Variants in SDCCAG8 observed in about 807,000 individuals in gnomAD.
SDCCAG8 encodes serologically defined colon cancer antigen 8.
A neutral mutation model predicts 101.8 loss-of-function variants in SDCCAG8; 74 were observed. That is an observed-to-expected ratio of 0.73 (90% CI 0.60 to 0.88). The LOEUF is 0.88. SDCCAG8 is among the 40% of genes least tolerant of loss of function. The pLI, the probability that SDCCAG8 is intolerant of heterozygous loss-of-function variation, is 0.00. For missense variants in SDCCAG8, 787 were observed against 822.6 expected (o/e 0.96, Z 0.53); for synonymous variants, 281 against 292.9 (o/e 0.96, Z 0.41).
In SDCCAG8 at chr1:243,344,231, G is replaced by A. The variant is rs748784645; in HGVS notation, c.1373G>A (p.Arg458His). Residue 458 changes from arginine (R) to histidine (H), a missense_variant, in exon 12 of 18, where the codon CGC becomes CAC. Transcript: ENST00000366541. The part of the protein sequence containing the change: ...MDVTKVCGEM[R>H]YQLNKTNMEK... Reference sequence around the variant, plus strand: ...ATCTAACAGGTGTGTGGAGAAATGCGCTATCAGCTGAATAAAACCAACATG... The same window carrying A: ...ATCTAACAGGTGTGTGGAGAAATGCACTATCAGCTGAATAAAACCAACATG... 1.1e-5 allele frequency: 17 copies of A among 1,613,686 alleles called. No homozygotes were observed. The highest frequency in any genetic ancestry group is 2.2e-5 in the East Asian group (1 of 44,870).
chr1:243,327,853 G>A (rs2074302567), intron 9 of SDCCAG8, among the ~76,000 whole-genome samples: 2 of 152,130 alleles, frequency 1.3e-5, no homozygotes, highest in Non-Finnish European at 2.9e-5. Context: ...GGACATATAC[G>A]TTAAAATCAA....
chr1:243,277,341 T>C (rs2068661465), intron 4 of SDCCAG8, among the ~76,000 whole-genome samples: 1 of 152,230 alleles, frequency 6.6e-6, no homozygotes, highest in South Asian at 2.1e-4. Flanking sequence ...GCTGTTCTAA[T>C]AGATGTGTAG....
At chr1:243,386,775 G>A (rs1171476941) in intron 13 of SDCCAG8, among the ~76,000 whole-genome samples, 1 of 151,806 alleles carries the variant, frequency 6.6e-6, no homozygotes, top group East Asian at 1.9e-4. Flanking sequence ...AAGTGAGAGA[G>A]AGAGAGAGAG....
At chr1:243,346,304 G>A (rs907601807) in intron 12 of SDCCAG8, 3 of 154,242 alleles carry the variant, frequency 1.9e-5, no homozygotes, top group Admixed American at 1.3e-4. Context: ...TTAAAAGCGG[G>A]GCATGTTGAG....
intron 16 of SDCCAG8, among the ~76,000 whole-genome samples, chr1:243,444,637 C>T (rs967474982): frequency 2.0e-5 from 3 of 152,302 alleles, no homozygotes; most frequent in Admixed American, 1.3e-4. Flanking sequence ...CCTGCCTCAG[C>T]CTCCCAAAAT....
intron 5 of SDCCAG8, among the ~76,000 whole-genome samples, chr1:243,289,859 A>AT (rs2070047851): frequency 1.3e-5 from 2 of 151,950 alleles, no homozygotes; most frequent in Admixed American, 6.5e-5. Flanking sequence ...AAAGAGAAGA[A>AT]TCTCCTTTTT....
Position 243,304,695 on chromosome 1 carries a change from T to C in SDCCAG8, c.676-18T>C. On this transcript the variant is annotated intron_variant, in intron 6 of 17. Coordinates refer to ENST00000366541, the MANE Select transcript of SDCCAG8 (RefSeq NM_006642.5). ...CAGGACATAGAGAAAAATGTACTTC[T>C]ATTTTTCTTTTCTATAGGAGAAGCT... is the stretch of plus-strand genomic sequence containing the variant. 1 of 1,348,182 alleles carries C rather than the reference T, an allele frequency of 7.4e-7. No homozygotes were observed. The highest frequency in any genetic ancestry group is 1.1e-6 in the Non-Finnish European group (1 of 938,826). 83.5% of individuals were successfully genotyped at this position (1,348,182 alleles called of 1,614,324 possible).
intron 13 of SDCCAG8, among the ~76,000 whole-genome samples, chr1:243,408,286 A>T (rs939438168): frequency 2.6e-5 from 4 of 152,194 alleles, no homozygotes; most frequent in African/African-American, 9.6e-5. Flanking sequence ...AGCAAAACAA[A>T]GGTTCCTATT....
rs571326483 is a variant in SDCCAG8 at position 243,372,806 on chromosome 1, G to A, written c.1474-5915G>A. On this transcript the variant is annotated intron_variant, in intron 12 of 17. Transcript: ENST00000366541. The stretch of plus-strand genomic sequence containing the variant: ...ACTCAGGAGTTCAAGACCAGCCTGC[G>A]CCATATAGCGAGACTTTGTCTCTAC... Among the ~76,000 whole-genome samples, 47 of 151,386 alleles carry A rather than the reference G, an allele frequency of 3.1e-4. No individual in the cohort carries two copies. The South Asian group carries it at 7.7e-3, about 25-fold the overall frequency.
intron 12 of SDCCAG8, among the ~76,000 whole-genome samples, chr1:243,364,933 TAA>T (rs1308631235): frequency 6.6e-6 from 1 of 152,178 alleles, no homozygotes; most frequent in Non-Finnish European, 1.5e-5. Context: ...AATAAGAGAA[TAA>T]AAGAGCAAAA....
At chr1:243,307,901 ATAG>A (rs1318130816) in intron 7 of SDCCAG8, 85 bp from the exon 8 acceptor site, 1 of 1,595,140 alleles carries the variant, frequency 6.3e-7, no homozygotes, top group African/African-American at 1.3e-5. Flanking sequence ...CCCATAAACG[ATAG>A]TAGTAGTTAA....
At chr1:243,349,845 T>C (rs2075983109) in intron 12 of SDCCAG8, among the ~76,000 whole-genome samples, 1 of 152,018 alleles carries the variant, frequency 6.6e-6, no homozygotes, top group Non-Finnish European at 1.5e-5. Context: ...TTTTTTTTTT[T>C]ACCGGCATTG....
intron 16 of SDCCAG8, among the ~76,000 whole-genome samples, chr1:243,466,424 G>T (rs1660157953): frequency 6.6e-6 from 1 of 152,140 alleles, no homozygotes; most frequent in African/African-American, 2.4e-5. Context: ...AGTTAACAGT[G>T]CAGGTTCTGA....
intron 5 of SDCCAG8, among the ~76,000 whole-genome samples, chr1:243,292,686 C>T (rs1010142145): frequency 5.3e-5 from 8 of 152,098 alleles, no homozygotes; most frequent in African/African-American, 1.9e-4. Context: ...ATATGACATA[C>T]ATAAAACAGG....
intron 16 of SDCCAG8, among the ~76,000 whole-genome samples, chr1:243,428,791 G>A (rs1452519376): frequency 6.6e-6 from 1 of 152,190 alleles, no homozygotes; most frequent in Non-Finnish European, 1.5e-5. Flanking sequence ...GTAACTGCAT[G>A]AAGTTAACTG....
intron 16 of SDCCAG8, among the ~76,000 whole-genome samples, chr1:243,472,174 A>G (rs1312744548): frequency 1.3e-5 from 2 of 152,210 alleles, no homozygotes; most frequent in South Asian, 2.1e-4. Context: ...AGCTGCTGAT[A>G]TAGTTAGGTC....
chr1:243,451,352 C>T (rs1438753973), intron 16 of SDCCAG8, among the ~76,000 whole-genome samples: 1 of 152,210 alleles, frequency 6.6e-6, no homozygotes, highest in Non-Finnish European at 1.5e-5. Flanking sequence ...TAACAATCTC[C>T]ATTAATACTT....
At chr1:243,358,925 GA>G (rs2076541308) in intron 12 of SDCCAG8, among the ~76,000 whole-genome samples, 1 of 152,192 alleles carries the variant, frequency 6.6e-6, no homozygotes, top group African/African-American at 2.4e-5. Flanking sequence ...TATAGAGACA[GA>G]AAGATTAGTG....
chr1:243,431,875 C>CAAA (rs1307496643), intron 16 of SDCCAG8, among the ~76,000 whole-genome samples: 1 of 152,010 alleles, frequency 6.6e-6, no homozygotes, highest in Non-Finnish European at 1.5e-5. Flanking sequence ...GAGTTTTTTC[C>CAAA]CCCTTTTGTA....
Sources: allele counts gnomAD v4.1 joint callset (sites outside exome capture counted in the v4.1 genomes callset), GRCh38; gene constraint gnomAD v4.1.1; transcripts MANE v1.5; gene names NCBI Gene and HGNC (gene_info 2026-07-23, HGNC 2026-07-21).